The following CD109 variants were observed in gnomAD, a reference collection of about 807,000 sequenced individuals.
CD109 encodes the protein CD109 molecule, also known as CD109 antigen.
CD109 carries 149 observed loss-of-function variants against 165.8 expected under a neutral mutation model. The ratio of observed to expected loss-of-function variants is 0.90; its 90% CI spans 0.79 to 1.03. CD109 has a LOEUF of 1.03. CD109 is among the 50% of genes least tolerant of loss of function. CD109 has a pLI of 0.00. For synonymous variants in CD109, 585 were observed against 592.1 expected (o/e 0.99, Z 0.18); for missense variants, 1,712 against 1,677.8 (o/e 1.02, Z -0.36).
rs200235560 is a variant in CD109, at chr6:73,730,378, T to C, written c.311T>C (p.Leu104Pro). The change falls in exon 4 of 33, where the codon CTA becomes CCA. Residue 104 changes from leucine (L) to proline (P), a missense_variant. By Grantham distance (98) the Leu-to-Pro change is moderately conservative (BLOSUM62 -3). Coordinates refer to ENST00000287097, the MANE Select transcript of CD109 (RefSeq NM_133493.5). The part of the protein sequence containing the change: ...PLNSADEIYE[L>P]RVTGRTQDEI... ...AACAGTGCAGATGAGATTTATGAGC[T>C]ACGTGTAACCGGACGTACCCAGGAT... 2 of 1,613,848 alleles carry C rather than the reference T, an allele frequency of 1.2e-6. No homozygotes were observed. Among genetic ancestry groups the C allele is most frequent in the East Asian group, 4.5e-5 (2 of 44,886 alleles).
chr6:73,743,870 C>G (rs1452194769), intron 5 of CD109, among the ~76,000 whole-genome samples: 1 of 152,224 alleles, frequency 6.6e-6, no homozygotes, highest in African/African-American at 2.4e-5. Context: ...CAAACTCTTA[C>G]TTCCTTGTTC....
intron 3 of CD109, among the ~76,000 whole-genome samples, chr6:73,725,504 CT>C (rs386407559): frequency 4.1e-3 from 368 of 89,422 alleles, no homozygotes; most frequent in African/African-American, 0.016. Flanking sequence ...TACTACACTT[CT>C]TTTTTTTTTT....
chr6:73,790,684 G>A (rs546312719), intron 22 of CD109, among the ~76,000 whole-genome samples: 1 of 152,270 alleles, frequency 6.6e-6, no homozygotes, highest in African/African-American at 2.4e-5. Flanking sequence ...CTGAGCTCAA[G>A]TAGTGAGGCA....
rs562162788 is a variant in CD109, at chr6:73,699,861, ATTG to A, written c.247+2292_247+2294del. Among the ~76,000 whole-genome samples the A allele has an allele frequency of 1.6e-4, 24 of 152,266 alleles. No individual in the cohort carries two copies. In the South Asian group the frequency reaches 4.8e-3, roughly 30 times the overall value. ...ACTGTATTATCAGAGGCTGGGAGTTATTGTTCTCAGAGCAGATGCTTCCTGTAA... is the reference window on the plus strand; with the variant it reads ...ACTGTATTATCAGAGGCTGGGAGTTATTCTCAGAGCAGATGCTTCCTGTAA... On this transcript the variant is annotated intron_variant, in intron 2 of 32. Coordinates refer to ENST00000287097, the MANE Select transcript of CD109 (RefSeq NM_133493.5).
At chr6:73,756,034 G>T (rs1327986283) in intron 5 of CD109, among the ~76,000 whole-genome samples, 1 of 152,030 alleles carries the variant, frequency 6.6e-6, no homozygotes, top group Non-Finnish European at 1.5e-5. Context: ...TACGATAATA[G>T]CCCACGTTTT....
intron 10 of CD109, among the ~76,000 whole-genome samples, chr6:73,764,267 C>G (rs1773750320): frequency 6.6e-6 from 1 of 152,174 alleles, no homozygotes; most frequent in African/African-American, 2.4e-5. Context: ...ATTAGTGTTA[C>G]AAATTAATTT....
At chr6:73,765,871 C>T in intron 10 of CD109, 59 bp from the exon 11 acceptor site, 1 of 1,204,018 alleles carries the variant, frequency 8.3e-7, no homozygotes, top group Non-Finnish European at 1.2e-6. Context: ...CAGACGGAAA[C>T]TGTATTTAAT....
intron 4 of CD109, among the ~76,000 whole-genome samples, chr6:73,733,505 C>G (rs1243017453): frequency 6.6e-6 from 1 of 152,196 alleles, no homozygotes; most frequent in African/African-American, 2.4e-5. Flanking sequence ...AAAACATAAC[C>G]TATGTCTCCC....
chr6:73,691,373 T>G (rs1314851413), upstream of CD109, among the ~76,000 whole-genome samples: 1 of 152,222 alleles, frequency 6.6e-6, no homozygotes, highest in Non-Finnish European at 1.5e-5. Context: ...ATTTTTTACT[T>G]TCTGAAGCTT....
chr6:73,783,338 T>C (rs2150253154), intron 18 of CD109, among the ~76,000 whole-genome samples: 1 of 152,352 alleles, frequency 6.6e-6, no homozygotes, highest in South Asian at 2.1e-4. Flanking sequence ...AATAACAGCA[T>C]TGACAGGGAT....
chr6:73,816,041 C>T (rs1775924281), intron 30 of CD109, among the ~76,000 whole-genome samples: 1 of 152,188 alleles, frequency 6.6e-6, no homozygotes. Context: ...AAGGTCATCT[C>T]TGGGTGTTCA....
At chr6:73,727,760 C>A (rs1772195561) in intron 3 of CD109, among the ~76,000 whole-genome samples, 1 of 152,066 alleles carries the variant, frequency 6.6e-6, no homozygotes, top group African/African-American at 2.4e-5. Context: ...AAGAGCAATC[C>A]CATCAAATAT....
In CD109 at chr6:73,811,004, G is replaced by A; in HGVS notation, c.3559G>A (p.Ala1187Thr). The A allele has an allele frequency of 1.9e-6, 3 of 1,612,866 alleles. No individual in the cohort carries two copies. The highest frequency in any genetic ancestry group is 1.7e-4 in the Middle Eastern group (1 of 6,050). Reference protein sequence around the residue: ...GFASTQDTTVALKALSEFAAL... With the variant: ...GFASTQDTTVTLKALSEFAAL... ...CTTCCCTCAACAGGATACCACTGTG[G>A]CTTTAAAGGCTCTGTCTGAATTTGC... The change falls in exon 28 of 33, where the codon GCT becomes ACT. Residue 1187 changes from alanine (A) to threonine (T), a missense_variant. Ala to Thr is a moderately conservative substitution (Grantham distance 58, BLOSUM62 0). Coordinates refer to ENST00000287097, the MANE Select transcript of CD109 (RefSeq NM_133493.5).
At chr6:73,754,865 C>T (rs981189783) in intron 5 of CD109, among the ~76,000 whole-genome samples, 2 of 152,212 alleles carry the variant, frequency 1.3e-5, no homozygotes, top group African/African-American at 4.8e-5. Context: ...AGGACACTGT[C>T]AGTCTTGAAT....
At chr6:73,815,558 A>C (rs76622108) in intron 30 of CD109, among the ~76,000 whole-genome samples, 3,592 of 152,264 alleles carry the variant, frequency 0.024, 160 homozygotes, top group African/African-American at 0.081. Flanking sequence ...TTCAATCAAG[A>C]GGATAGTTTT....
intron 7 of CD109, among the ~76,000 whole-genome samples, chr6:73,760,869 G>A (rs143532098): frequency 6.3e-4 from 96 of 151,510 alleles, no homozygotes; most frequent in African/African-American, 2.1e-3. Context: ...AATAAAATTC[G>A]CTGGACGTGG....
chr6:73,697,632 G>A (rs1770901143), intron 2 of CD109, 60 bp downstream of exon 2: 5 of 1,490,448 alleles, frequency 3.4e-6, no homozygotes, highest in Non-Finnish European at 4.6e-6. Flanking sequence ...ATGTTAATAA[G>A]GTCATGTGTT....
chr6:73,730,137 G>C (rs1205583894), intron 3 of CD109, among the ~76,000 whole-genome samples: 1 of 152,170 alleles, frequency 6.6e-6, no homozygotes, highest in Non-Finnish European at 1.5e-5. Context: ...CCCATTCCAG[G>C]AGCCCTGTGA....
intron 2 of CD109, among the ~76,000 whole-genome samples, chr6:73,721,566 A>T (rs1025036159): frequency 6.6e-6 from 1 of 151,654 alleles, no homozygotes; most frequent in Non-Finnish European, 1.5e-5. Flanking sequence ...GGGTTTCACC[A>T]TGTTAGCCAG....
Sources: allele counts gnomAD v4.1 joint callset (sites outside exome capture counted in the v4.1 genomes callset), GRCh38; gene constraint gnomAD v4.1.1; transcripts MANE v1.5; gene names NCBI Gene and HGNC (gene_info 2026-07-23, HGNC 2026-07-21).